The following SYNPR variants were observed in gnomAD, a reference collection of about 807,000 sequenced individuals.
SYNPR encodes the protein synaptoporin.
Under a neutral mutation model 32.9 loss-of-function variants are expected in SYNPR, and 23 were observed. That is an observed-to-expected ratio of 0.70 (90% CI 0.50 to 0.99). The LOEUF is 0.99. Ranked by LOEUF, SYNPR falls within the 50% of genes least tolerant of loss-of-function variation. SYNPR has a pLI of 0.00. For missense variants in SYNPR, 318 were observed against 349.3 expected (o/e 0.91, Z 0.71); for synonymous variants, 146 against 135.9 (o/e 1.07, Z -0.52).
chr3:63,443,391 G>T, intron 2 of SYNPR: 1 of 1,584,662 alleles, frequency 6.3e-7, no homozygotes, highest in East Asian at 2.3e-5. Context: ...TTTAGTATGA[G>T]ACAACCTCTA....
chr3:63,238,585 CA>C lies in SYNPR; in HGVS notation n.66+10208del, dbSNP rs1209705096. Among the ~76,000 whole-genome samples the C allele has an allele frequency of 5.3e-5, 8 of 152,168 alleles. No homozygotes were observed. The East Asian group carries it at 1.2e-3, about 22-fold the overall frequency. Reference sequence around the variant, plus strand: ...GAGAACCTTCTTGTTAGGTTAAACACAAATGGAGCTGTAAATAGGAAGCAAA... The same window carrying C: ...GAGAACCTTCTTGTTAGGTTAAACACAATGGAGCTGTAAATAGGAAGCAAA... On this transcript the variant is annotated intron_variant and non_coding_transcript_variant, in intron 1 of 4. Transcript: ENST00000478456.
chr3:63,364,742 T>C (rs554948206), intron 2 of SYNPR, among the ~76,000 whole-genome samples: 30 of 152,336 alleles, frequency 2.0e-4, no homozygotes, highest in African/African-American at 6.7e-4. Context: ...GGAGTGGATC[T>C]GAGTCATCTG....
intron 2 of SYNPR, among the ~76,000 whole-genome samples, chr3:63,407,504 C>A (rs931463016): frequency 6.6e-6 from 1 of 152,242 alleles, no homozygotes; most frequent in Admixed American, 6.5e-5. Flanking sequence ...GGAGATGATG[C>A]TATTGTAAGA....
At chr3:63,238,529 T>C (rs1317806340) in intron 1 of SYNPR, among the ~76,000 whole-genome samples, 1 of 152,100 alleles carries the variant, frequency 6.6e-6, no homozygotes, top group African/African-American at 2.4e-5. Flanking sequence ...CATGAAAAAC[T>C]AGTGGTAGGG....
intron 2 of SYNPR, among the ~76,000 whole-genome samples, chr3:63,376,310 A>T (rs999492428): frequency 6.6e-6 from 1 of 151,982 alleles, no homozygotes; most frequent in Admixed American, 6.5e-5. Context: ...TGTATTAGTT[A>T]TAACTTGCAT....
In SYNPR at chr3:63,267,631, G is replaced by A. The variant is rs532495048; in HGVS notation, n.287+182G>A. ...TTAAGAGGGACAGGAAGAGACACCA[G>A]GAGAGAAAGAAGCAAATCCCAGCAT... On this transcript the variant is annotated intron_variant and non_coding_transcript_variant, in intron 3 of 4. Transcript: ENST00000478456. Among the ~76,000 whole-genome samples the A allele has an allele frequency of 4.6e-5, 7 of 152,292 alleles. 1 individual carries two copies. The highest frequency in any genetic ancestry group is 9.6e-5 in the African/African-American group (4 of 41,566).
intron 2 of SYNPR, among the ~76,000 whole-genome samples, chr3:63,390,237 G>C (rs997903185): frequency 5.9e-5 from 9 of 152,178 alleles, no homozygotes; most frequent in African/African-American, 2.2e-4. Flanking sequence ...AGATGGAACA[G>C]AAATAGAATT....
rs533708873 is a variant in SYNPR, at chr3:63,545,377, A to G, written c.210-11166A>G. 2.6e-5 allele frequency: 4 copies of G among 152,280 alleles called. No homozygotes were observed. In the East Asian group the frequency reaches 7.7e-4, roughly 29 times the overall value. 9.4% of individuals were successfully genotyped at this position (152,280 alleles called of 1,614,324 possible). On this transcript the variant is annotated intron_variant, in intron 3 of 5. Coordinates refer to ENST00000478300, the MANE Select transcript of SYNPR (RefSeq NM_001130003.2). The stretch of plus-strand genomic sequence containing the variant: ...AAGAATCTAACAAAACTTATGTAAC[A>G]TGACCCAGAGTATATAAATTCAAAA...
At chr3:63,543,178 G>C (rs2106807660) in intron 3 of SYNPR, among the ~76,000 whole-genome samples, 1 of 137,222 alleles carries the variant, frequency 7.3e-6, no homozygotes, top group Middle Eastern at 3.5e-3. Flanking sequence ...GAAAGTGAGA[G>C]TAAAATGACA....
intron 3 of SYNPR, among the ~76,000 whole-genome samples, chr3:63,528,117 T>TTTTC (rs1702049051): frequency 6.6e-6 from 1 of 152,216 alleles, no homozygotes; most frequent in Non-Finnish European, 1.5e-5. Context: ...GACCTCTCTC[T>TTTTC]TTTCTTTCTT....
At chr3:63,492,034 G>C (rs1313307306) in intron 3 of SYNPR, among the ~76,000 whole-genome samples, 1 of 152,144 alleles carries the variant, frequency 6.6e-6, no homozygotes, top group Non-Finnish European at 1.5e-5. Context: ...AATATGGTGA[G>C]AGGAGGCGTC....
chr3:63,461,003 G>A (rs145603533), intron 2 of SYNPR, among the ~76,000 whole-genome samples: 121 of 152,062 alleles, frequency 8.0e-4, no homozygotes, highest in Non-Finnish European at 1.6e-3. Flanking sequence ...CTTACTGAAT[G>A]AGATGATGGA....
chr3:63,339,942 C>G (rs2087342880), intron 2 of SYNPR, among the ~76,000 whole-genome samples: 1 of 152,206 alleles, frequency 6.6e-6, no homozygotes, highest in South Asian at 2.1e-4. Flanking sequence ...GAGGCGTGAG[C>G]CACCATGCCA....
chr3:63,217,388 C>G, the SYNPR span, among the ~76,000 whole-genome samples: 1 of 57,098 alleles, frequency 1.8e-5, no homozygotes, highest in Non-Finnish European at 4.4e-5. Context: ...CCCTCCGAGC[C>G]AGGTGTGGGA....
chr3:63,490,898 A>G (rs1369128078), intron 3 of SYNPR, among the ~76,000 whole-genome samples: 1 of 151,900 alleles, frequency 6.6e-6, no homozygotes, highest in Non-Finnish European at 1.5e-5. Context: ...CAAGTAGCTG[A>G]GATTACAGGC....
intron 2 of SYNPR, among the ~76,000 whole-genome samples, chr3:63,319,981 G>T (rs1342251419): frequency 6.6e-6 from 1 of 151,934 alleles, no homozygotes; most frequent in Non-Finnish European, 1.5e-5. Context: ...ACAGGGTCTT[G>T]CCCTGTCACC....
chr3:63,541,738 T>C (rs1702307707), intron 3 of SYNPR, among the ~76,000 whole-genome samples: 1 of 152,098 alleles, frequency 6.6e-6, no homozygotes, highest in Admixed American at 6.6e-5. Flanking sequence ...CATGTGAAAT[T>C]TCTTTCACAA....
chr3:63,282,597 C>G (rs1279429874), intron 2 of SYNPR, among the ~76,000 whole-genome samples: 1 of 150,504 alleles, frequency 6.6e-6, no homozygotes, highest in Non-Finnish European at 1.5e-5. Context: ...GTGGGAGGAT[C>G]GCTTGAGCCC....
At chr3:63,510,049 T>C (rs1324015770) in intron 3 of SYNPR, among the ~76,000 whole-genome samples, 1 of 152,046 alleles carries the variant, frequency 6.6e-6, no homozygotes, top group Non-Finnish European at 1.5e-5. Flanking sequence ...AGCGGTACTA[T>C]TTGGAGGCTT....
Sources: allele counts gnomAD v4.1 joint callset (sites outside exome capture counted in the v4.1 genomes callset), GRCh38; gene constraint gnomAD v4.1.1; transcripts MANE v1.5; gene names NCBI Gene and HGNC (gene_info 2026-07-23, HGNC 2026-07-21).